The following HSF2BP variants were observed in gnomAD, a reference collection of about 807,000 sequenced individuals.
The protein encoded by HSF2BP is heat shock transcription factor 2 binding protein, also known as heat shock factor 2-binding protein.
In HSF2BP, 35 loss-of-function variants were observed where a neutral mutation model predicts 35.0. That is an observed-to-expected ratio of 1.00 (90% CI 0.76 to 1.32). HSF2BP has a LOEUF of 1.32. Among genes scored for constraint, HSF2BP ranks in the 40% most tolerant of loss-of-function variants. HSF2BP has a pLI of 0.00. For synonymous variants in HSF2BP, 114 were observed against 117.4 expected, an observed-to-expected ratio of 0.97 and a Z score of 0.18; for missense variants, 326 against 321.7, an observed-to-expected ratio of 1.01 and a Z score of -0.10.
At chr21:43,644,744 C>T (rs1244715142) in intron 3 of HSF2BP, among the ~76,000 whole-genome samples, 1 of 152,182 alleles carries the variant, frequency 6.6e-6, no homozygotes, top group African/African-American at 2.4e-5. Context: ...ACAGACTTGT[C>T]GCTACTCCAT....
At chr21:43,624,740 T>G (rs894243911) in intron 6 of HSF2BP, among the ~76,000 whole-genome samples, 2 of 152,222 alleles carry the variant, frequency 1.3e-5, no homozygotes, top group Non-Finnish European at 2.9e-5. Flanking sequence ...AGTACAATCA[T>G]GATTTTCAAA....
At chr21:43,646,428 CACAG>C (rs2147091998) in intron 3 of HSF2BP, among the ~76,000 whole-genome samples, 1 of 152,284 alleles carries the variant, frequency 6.6e-6, no homozygotes, top group African/African-American at 2.4e-5. Context: ...CACCTATGGT[CACAG>C]ACAAAAATGA....
intron 8 of HSF2BP, 62 bp downstream of exon 8, chr21:43,592,163 G>T: frequency 9.2e-7 from 1 of 1,083,348 alleles, no homozygotes; most frequent in Non-Finnish European, 1.4e-6. Context: ...TATGCCCCGT[G>T]GATAAGGGAG....
chr21:43,591,452 A>G lies in HSF2BP; in HGVS notation c.796+773T>C, dbSNP rs572717645. Among the ~76,000 whole-genome samples the G allele has an allele frequency of 2.0e-5, 3 of 152,336 alleles. 1 individual carries two copies. Among genetic ancestry groups the G allele is most frequent in the African/African-American group, 7.2e-5 (3 of 41,578 alleles). On this transcript the variant is annotated intron_variant, in intron 8 of 8. Transcript: ENST00000291560. ...GTTTACCTGCTGTTTTATAAGAGAC[A>G]ATTTCTCTTTGTGTTGTAGGGACAC... is the stretch of plus-strand genomic sequence containing the variant.
At chr21:43,577,101 T>C (rs2081653660) in intron 8 of HSF2BP, among the ~76,000 whole-genome samples, 1 of 152,198 alleles carries the variant, frequency 6.6e-6, no homozygotes, top group South Asian at 2.1e-4. Flanking sequence ...AGGTTGGCAC[T>C]CCACCACCCC....
intron 6 of HSF2BP, among the ~76,000 whole-genome samples, chr21:43,624,791 G>C (rs1122873): frequency 0.67 from 102,483 of 152,022 alleles, 35,067 homozygotes; most frequent in East Asian, 0.79. Context: ...ATTTCACTAG[G>C]AAGTTAAGCA....
the HSF2BP span, among the ~76,000 whole-genome samples, chr21:43,496,239 T>A: frequency 1.0e-5 from 1 of 98,934 alleles, no homozygotes; most frequent in Non-Finnish European, 2.2e-5. Context: ...ATCAAGCTCA[T>A]TTCTATACGC....
rs564689244 is a variant in HSF2BP, at chr21:43,637,590, A to G, written c.292-4169T>C. Among the ~76,000 whole-genome samples the G allele has an allele frequency of 2.9e-4, 44 of 152,030 alleles. 2 individuals carry two copies. The highest frequency in any genetic ancestry group is 1.0e-3 in the African/African-American group (42 of 41,504). On this transcript the variant is annotated intron_variant, in intron 4 of 8. Transcript: ENST00000291560. ...AACCAAGGTGGGAGGTTCACTTGAC[A>G]AGAGAGAGAACTTGGAGACCAGCCT...
At position 43,613,884 on chromosome 21, in the gene HSF2BP, G is replaced by A; in HGVS notation, c.638C>T (p.Thr213Ile). 3.1e-6 allele frequency: 5 copies of A among 1,613,504 alleles called. No homozygotes were observed. The highest frequency in any genetic ancestry group is 4.2e-6 in the Non-Finnish European group (5 of 1,179,830). ...LVNSSRVLLD[T>I]ILQLLGDLKP... ...CAAGTCTCCCAGAAGCTGCAATATG[G>A]TGTCCAAGAGCACCCGGCTTGAATT... Residue 213 changes from threonine (T) to isoleucine (I), a missense_variant, in exon 7 of 9, where the codon ACC becomes ATC. Physicochemically the swap from Thr to Ile is moderately conservative, Grantham distance 89. Coordinates refer to ENST00000291560, the MANE Select transcript of HSF2BP (RefSeq NM_007031.2).
At chr21:43,606,990 C>T (rs890590747) in intron 7 of HSF2BP, among the ~76,000 whole-genome samples, 2 of 152,138 alleles carry the variant, frequency 1.3e-5, no homozygotes, top group African/African-American at 4.8e-5. Context: ...CGCACCTATT[C>T]AACACAGAAC....
In HSF2BP at chr21:43,656,666, C is replaced by A; in HGVS notation, c.108G>T (p.Met36Ile). 1 of 1,613,900 alleles carries A rather than the reference C, an allele frequency of 6.2e-7. No individual in the cohort carries two copies. The highest frequency in any genetic ancestry group is 8.5e-7 in the Non-Finnish European group (1 of 1,179,812). ...KDLERLTTEV[M>I]QIRDFLPRIL... ...TTCTGGGTAAGAAGTCCCGTATTTG[C>A]ATCACTTCAGTTGTCAGCCGTTCCA... The change falls in exon 3 of 9, where the codon ATG (methionine) becomes ATT (isoleucine). Residue 36 changes from methionine to isoleucine, a missense_variant. Met to Ile is a conservative substitution (Grantham distance 10). Coordinates refer to ENST00000291560, the MANE Select transcript of HSF2BP (RefSeq NM_007031.2).
intron 7 of HSF2BP, among the ~76,000 whole-genome samples, chr21:43,611,242 T>C (rs574060010): frequency 2.1e-4 from 32 of 152,172 alleles, no homozygotes; most frequent in African/African-American, 7.2e-4. Context: ...CAAGACTCTG[T>C]CTCAAAAAAA....
At chr21:43,609,481 C>T (rs1423846237) in intron 7 of HSF2BP, among the ~76,000 whole-genome samples, 1 of 150,322 alleles carries the variant, frequency 6.7e-6, no homozygotes, top group East Asian at 1.9e-4. Context: ...AAAAAATAAC[C>T]CCTATCTCTG....
rs759792745 is a variant in HSF2BP, at chr21:43,630,324, G to A, written c.572C>T (p.Thr191Met). Residue 191 changes from threonine (T) to methionine (M), a missense_variant and splice_region_variant, in exon 6 of 9, where the codon ACG becomes ATG. Coordinates refer to ENST00000291560, the MANE Select transcript of HSF2BP (RefSeq NM_007031.2). ...CTCTCAGGTGCGCCTGCACTTACTCGTGACAATTCCAGCCAGAGCGAAAAC... is the reference window on the plus strand; with the variant it reads ...CTCTCAGGTGCGCCTGCACTTACTCATGACAATTCCAGCCAGAGCGAAAAC... ...QFVFALAGIV[T>M]NVAAIACGRE... The A allele has an allele frequency of 4.5e-5, 72 of 1,611,146 alleles. No individual in the cohort carries two copies. Among genetic ancestry groups the A allele is most frequent in the Admixed American group, 2.2e-4 (13 of 59,426 alleles).
chr21:43,600,040 G>A (rs1029320117), intron 7 of HSF2BP, among the ~76,000 whole-genome samples: 1 of 152,078 alleles, frequency 6.6e-6, no homozygotes, highest in Non-Finnish European at 1.5e-5. Flanking sequence ...CTAAAATAAA[G>A]GTACTGGTGA....
In HSF2BP at chr21:43,574,600, G is replaced by A. The variant is rs1015543413; in HGVS notation, c.796+17625C>T. 3.9e-5 allele frequency among the ~76,000 whole-genome samples: 6 copies of A among 151,972 alleles called. No individual in the cohort carries two copies. The South Asian group carries it at 6.2e-4, about 16-fold the overall frequency. ...TCTCGATCTCCTGACCTTGTGATCC[G>A]CCCGCCTCGGCCTCCCAAAGTGCTG... On this transcript the variant is annotated intron_variant, in intron 8 of 8. Transcript: ENST00000291560.
intron 6 of HSF2BP, among the ~76,000 whole-genome samples, chr21:43,625,169 G>A (rs2082374322): frequency 6.6e-6 from 1 of 152,018 alleles, no homozygotes; most frequent in Admixed American, 6.6e-5. Context: ...ATTCTTTCCG[G>A]GGGCAGAGGG....
At chr21:43,575,241 C>T (rs1282126073) in intron 8 of HSF2BP, among the ~76,000 whole-genome samples, 6 of 152,248 alleles carry the variant, frequency 3.9e-5, no homozygotes, top group Non-Finnish European at 8.8e-5. Context: ...AAACACGACG[C>T]TCCACTGGGC....
chr21:43,625,560 A>G (rs2082379900), intron 6 of HSF2BP, among the ~76,000 whole-genome samples: 1 of 152,148 alleles, frequency 6.6e-6, no homozygotes, highest in African/African-American at 2.4e-5. Context: ...GGTTTAAAAA[A>G]AAAAACTAAA....
Sources: allele counts gnomAD v4.1 joint callset (sites outside exome capture counted in the v4.1 genomes callset), GRCh38; gene constraint gnomAD v4.1.1; transcripts MANE v1.5; gene names NCBI Gene and HGNC (gene_info 2026-07-23, HGNC 2026-07-21).